The following KCNMA1 variants were observed in gnomAD, a reference collection of about 807,000 sequenced individuals.
KCNMA1 encodes the protein Calcium-activated potassium channel subunit alpha-1.
In KCNMA1, 29 loss-of-function variants were observed where a neutral mutation model predicts 140.0. That is an observed-to-expected ratio of 0.21 (90% CI 0.15 to 0.28). The LOEUF (loss-of-function observed/expected upper bound fraction) is 0.28, where lower values mean the gene tolerates loss of function less well. KCNMA1 is among the 10% of genes least tolerant of loss of function. KCNMA1 has a pLI of 1.00. For synonymous variants in KCNMA1, 612 were observed against 611.9 expected (o/e 1.00, Z 0.00); for missense variants, 880 against 1,602.2 (o/e 0.55, Z 7.70).
intron 7 of KCNMA1, among the ~76,000 whole-genome samples, chr10:77,110,952 G>C (rs545464561): frequency 1.3e-5 from 2 of 152,344 alleles, no homozygotes; most frequent in South Asian, 2.1e-4. Context: ...ATCTTCACAG[G>C]GGCATGGAAA....
intron 5 of KCNMA1, among the ~76,000 whole-genome samples, chr10:77,175,948 G>A (rs1597946032): frequency 3.9e-5 from 6 of 152,194 alleles, no homozygotes; most frequent in Admixed American, 3.9e-4. Context: ...AATTACTGAT[G>A]TCAGGAAACT....
intron 5 of KCNMA1, among the ~76,000 whole-genome samples, chr10:77,133,911 G>A (rs948032707): frequency 2.0e-5 from 3 of 152,130 alleles, no homozygotes; most frequent in Admixed American, 6.5e-5. Flanking sequence ...TTACCACAAA[G>A]CAATAGAATA....
chr10:77,154,183 A>C (rs2098457241), intron 5 of KCNMA1, among the ~76,000 whole-genome samples: 1 of 152,076 alleles, frequency 6.6e-6, no homozygotes, highest in African/African-American at 2.4e-5. Context: ...CCCTGTGAAG[A>C]AGGTGCCTTC....
intron 1 of KCNMA1, among the ~76,000 whole-genome samples, chr10:77,620,044 C>G (rs777007712): frequency 6.6e-6 from 1 of 152,208 alleles, no homozygotes; most frequent in Non-Finnish European, 1.5e-5. Flanking sequence ...CCTGGGCACT[C>G]TGCAGTGATG....
intron 2 of KCNMA1, among the ~76,000 whole-genome samples, chr10:77,318,390 T>C (rs1313062842): frequency 6.6e-6 from 1 of 152,160 alleles, no homozygotes; most frequent in Non-Finnish European, 1.5e-5. Flanking sequence ...TCCATGTGTG[T>C]TGGATTCTGA....
chr10:77,578,141 C>T (rs566543081), intron 1 of KCNMA1, among the ~76,000 whole-genome samples: 330 of 152,378 alleles, frequency 2.2e-3, no homozygotes, highest in Middle Eastern at 6.8e-3. Context: ...TTTGGCCTCA[C>T]CAGTGGGCCT....
At chr10:77,412,653 C>T (rs1031119181) in intron 1 of KCNMA1, among the ~76,000 whole-genome samples, 26 of 152,110 alleles carry the variant, frequency 1.7e-4, no homozygotes, top group African/African-American at 5.8e-4. Flanking sequence ...TGTGAGGTGC[C>T]CCAGGGGGGC....
intron 2 of KCNMA1, among the ~76,000 whole-genome samples, chr10:77,269,956 C>T (rs558510664): frequency 1.5e-4 from 23 of 152,320 alleles, no homozygotes; most frequent in Admixed American, 3.3e-4. Context: ...CAGACCCAGA[C>T]AATGATTGGC....
chr10:76,912,221 C>T (rs1564858916), intron 24 of KCNMA1: 2 of 152,182 alleles, frequency 1.3e-5, no homozygotes, highest in East Asian at 3.9e-4. Context: ...CATATGTGGT[C>T]AAATACAATT....
intron 1 of KCNMA1, among the ~76,000 whole-genome samples, chr10:77,514,194 G>GTGCC (rs1264994160): frequency 2.0e-5 from 3 of 152,246 alleles, no homozygotes; most frequent in Non-Finnish European, 2.9e-5. Flanking sequence ...GGGCCTGGCA[G>GTGCC]TGCCGCCCAA....
At chr10:77,537,778 C>T (rs1394911196) in intron 1 of KCNMA1, among the ~76,000 whole-genome samples, 9 of 150,436 alleles carry the variant, frequency 6.0e-5, no homozygotes, top group East Asian at 2.0e-4. Context: ...CTGGCCCCAT[C>T]GTCACCCAAA....
intron 2 of KCNMA1, among the ~76,000 whole-genome samples, chr10:77,364,629 G>A (rs2094218014): frequency 6.6e-6 from 1 of 152,108 alleles, no homozygotes; most frequent in Non-Finnish European, 1.5e-5. Flanking sequence ...ATCAGTAAGT[G>A]GCAAAACCAT....
intron 1 of KCNMA1, among the ~76,000 whole-genome samples, chr10:77,428,855 C>T (rs1251872035): frequency 6.6e-6 from 1 of 152,178 alleles, no homozygotes; most frequent in African/African-American, 2.4e-5. Flanking sequence ...AATCTGAGCT[C>T]TGTCTGCGGG....
At chr10:77,308,296 TC>T (rs1356138071) in intron 2 of KCNMA1, among the ~76,000 whole-genome samples, 3 of 151,926 alleles carry the variant, frequency 2.0e-5, no homozygotes, top group Non-Finnish European at 4.4e-5. Context: ...TGAAAATAGG[TC>T]CCCTAAGCAG....
At chr10:77,417,697 G>A (rs185592317) in intron 1 of KCNMA1, among the ~76,000 whole-genome samples, 2 of 152,232 alleles carry the variant, frequency 1.3e-5, no homozygotes, top group African/African-American at 4.8e-5. Flanking sequence ...TCCAGTCTGT[G>A]CCTATAGACC....
At chr10:77,485,561 G>C (rs2098450697) in intron 1 of KCNMA1, among the ~76,000 whole-genome samples, 2 of 152,342 alleles carry the variant, frequency 1.3e-5, no homozygotes, top group South Asian at 4.1e-4. Context: ...AGCTCTGTAA[G>C]TAAGGATGGC....
At chr10:77,475,022 G>A (rs2098246998) in intron 1 of KCNMA1, among the ~76,000 whole-genome samples, 2 of 152,212 alleles carry the variant, frequency 1.3e-5, no homozygotes, top group Non-Finnish European at 2.9e-5. Flanking sequence ...GGAGCACACA[G>A]AGGTGTGGGT....
At chr10:77,061,861 T>C (rs567709614) in intron 14 of KCNMA1, among the ~76,000 whole-genome samples, 2 of 152,270 alleles carry the variant, frequency 1.3e-5, no homozygotes, top group East Asian at 3.9e-4. Flanking sequence ...ACAACCTGGA[T>C]GGATGTCAAG....
chr10:77,474,479 C>T (rs1441307026), intron 1 of KCNMA1, among the ~76,000 whole-genome samples: 3 of 152,160 alleles, frequency 2.0e-5, no homozygotes, highest in African/African-American at 7.2e-5. Flanking sequence ...CGGAGGAAAC[C>T]AATCCTGCTG....
Sources: allele counts gnomAD v4.1 joint callset (sites outside exome capture counted in the v4.1 genomes callset), GRCh38; gene constraint gnomAD v4.1.1; transcripts MANE v1.5; gene names NCBI Gene and HGNC (gene_info 2026-07-23, HGNC 2026-07-21).